The following GALNT17 variants were observed in gnomAD, a reference collection of about 807,000 sequenced individuals.
GALNT17 encodes the protein UDP-GalNAc:polypeptide N-acetylgalactosaminyltransferase-like 3.
Under a neutral mutation model 63.7 loss-of-function variants are expected in GALNT17, and 29 were observed. The ratio of observed to expected loss-of-function variants is 0.46; its 90% CI spans 0.34 to 0.62. The LOEUF (loss-of-function observed/expected upper bound fraction) is 0.62, where lower values mean the gene tolerates loss of function less well. Ranked by LOEUF, GALNT17 falls within the 20% of genes least tolerant of loss-of-function variation. The pLI is 0.01. For synonymous variants in GALNT17, 305 were observed against 318.3 expected (o/e 0.96, Z 0.45); for missense variants, 603 against 799.6 (o/e 0.75, Z 2.97).
intron 9 of GALNT17, among the ~76,000 whole-genome samples, chr7:71,706,294 G>T (rs1791721367): frequency 6.6e-6 from 1 of 152,178 alleles, no homozygotes; most frequent in South Asian, 2.1e-4. Flanking sequence ...CATGGCTTAG[G>T]ACTGCCATGT....
intron 5 of GALNT17, among the ~76,000 whole-genome samples, chr7:71,490,663 G>T (rs79791208): frequency 0.12 from 17,665 of 151,948 alleles, 1,688 homozygotes; most frequent in East Asian, 0.54. Flanking sequence ...ACTTCGGGAG[G>T]CTGAGGCAGG....
rs114845974 is a variant in GALNT17, at chr7:71,711,703, C to G, written c.1669-315C>G. 3.0e-3 allele frequency among the ~76,000 whole-genome samples: 442 copies of G among 148,512 alleles called. 1 individual carries two copies. Among genetic ancestry groups the G allele is most frequent in the African/African-American group, 0.01 (412 of 40,240 alleles). On this transcript the variant is annotated intron_variant, in intron 10 of 10. Coordinates refer to ENST00000333538, the MANE Select transcript of GALNT17 (RefSeq NM_022479.3). ...CTCTCCTCTCTATCTTCTCTCTTCT[C>G]TCTTCTCTCTCTTCCCTCTTTTTCT...
rs996287121 is a variant in GALNT17, at chr7:71,301,496, A to G, written c.239-34054A>G. On this transcript the variant is annotated intron_variant, in intron 1 of 10. Coordinates refer to ENST00000333538, the MANE Select transcript of GALNT17 (RefSeq NM_022479.3). ...ATTACTTTTTTAAAAGTAATTATTG[A>G]TAGAGAGGGATTTACTTTTGCCATT... 2.0e-5 allele frequency among the ~76,000 whole-genome samples: 3 copies of G among 150,580 alleles called. No homozygotes were observed. In the Admixed American group the frequency reaches 2.0e-4, roughly 10 times the overall value.
chr7:71,671,368 A>G (rs1791066974), intron 8 of GALNT17, among the ~76,000 whole-genome samples: 1 of 152,188 alleles, frequency 6.6e-6, no homozygotes, highest in South Asian at 2.1e-4. Flanking sequence ...GCTAAGAAGA[A>G]TCCCTTTGAC....
chr7:71,686,170 G>A (rs1299886580), intron 9 of GALNT17, among the ~76,000 whole-genome samples: 1 of 151,990 alleles, frequency 6.6e-6, no homozygotes, highest in African/African-American at 2.4e-5. Flanking sequence ...AGCCAGGCTG[G>A]TCTTCAACTT....
rs183100022 is a variant in GALNT17, at chr7:71,511,451, G to A, written c.963-59834G>A. The stretch of plus-strand genomic sequence containing the variant: ...TGGGAAGCCTTTTGAAGACTTTCAC[G>A]CAGTGGCACAGCCTGATCTGATTTC... On this transcript the variant is annotated intron_variant, in intron 5 of 10. Coordinates refer to ENST00000333538, the MANE Select transcript of GALNT17 (RefSeq NM_022479.3). Among the ~76,000 whole-genome samples, 300 of 152,236 alleles carry A rather than the reference G, an allele frequency of 2.0e-3. 1 individual carries two copies. The highest frequency in any genetic ancestry group is 6.9e-3 in the African/African-American group (287 of 41,542).
At chr7:71,169,067 C>T (rs899492579) in intron 1 of GALNT17, among the ~76,000 whole-genome samples, 25 of 152,266 alleles carry the variant, frequency 1.6e-4, no homozygotes, top group African/African-American at 5.5e-4. Flanking sequence ...TCTTGTTTTT[C>T]GTTCTGATGA....
At chr7:71,181,434 C>A (rs185927876) in intron 1 of GALNT17, among the ~76,000 whole-genome samples, 1 of 152,042 alleles carries the variant, frequency 6.6e-6, no homozygotes, top group South Asian at 2.1e-4. Context: ...TCATTCTTGA[C>A]CCCAGGGCCT....
At chr7:71,372,709 C>T (rs933736589) in intron 2 of GALNT17, among the ~76,000 whole-genome samples, 2 of 152,224 alleles carry the variant, frequency 1.3e-5, no homozygotes, top group African/African-American at 2.4e-5. Context: ...CTTGCCTCTG[C>T]TTCTCCAAGT....
At chr7:71,291,619 G>T (rs925027760) in intron 1 of GALNT17, among the ~76,000 whole-genome samples, 6 of 152,120 alleles carry the variant, frequency 3.9e-5, no homozygotes, top group African/African-American at 1.2e-4. Context: ...CCCATTATTT[G>T]TTCTAATTGG....
At chr7:71,389,232 C>A (rs1361441025) in intron 3 of GALNT17, among the ~76,000 whole-genome samples, 2 of 151,920 alleles carry the variant, frequency 1.3e-5, no homozygotes, top group Non-Finnish European at 2.9e-5. Context: ...ATCTCAGGTT[C>A]AAGCGATTTT....
chr7:71,640,622 A>G lies in GALNT17; in HGVS notation c.1081-24789A>G, dbSNP rs11971840. Among the ~76,000 whole-genome samples the G allele has an allele frequency of 6.0e-3, 914 of 152,288 alleles. 10 individuals are homozygous for G. Among genetic ancestry groups the G allele is most frequent in the African/African-American group, 0.021 (892 of 41,554 alleles). ...AGTAAACCAAACAGTAGATCTTGTTATTTAAGGTGCTAAAGAAGCACATAG... is the reference window on the plus strand; with the variant it reads ...AGTAAACCAAACAGTAGATCTTGTTGTTTAAGGTGCTAAAGAAGCACATAG... On this transcript the variant is annotated intron_variant, in intron 6 of 10. Transcript: ENST00000333538.
intron 1 of GALNT17, among the ~76,000 whole-genome samples, chr7:71,258,837 A>G (rs1315523235): frequency 1.3e-5 from 2 of 152,208 alleles, no homozygotes; most frequent in Non-Finnish European, 2.9e-5. Flanking sequence ...AGAGGATGAT[A>G]TTTATGCTGA....
intron 5 of GALNT17, among the ~76,000 whole-genome samples, chr7:71,524,470 C>T (rs1009479446): frequency 1.3e-5 from 2 of 152,026 alleles, no homozygotes. Flanking sequence ...AAACTGTCCC[C>T]AGTACATCAA....
chr7:71,624,571 T>G (rs1348617015), intron 6 of GALNT17, among the ~76,000 whole-genome samples: 1 of 152,238 alleles, frequency 6.6e-6, no homozygotes, highest in Non-Finnish European at 1.5e-5. Context: ...GCACCCTTTC[T>G]CAAACTCTGG....
chr7:71,393,521 T>C (rs143880842), intron 3 of GALNT17, among the ~76,000 whole-genome samples: 23 of 152,254 alleles, frequency 1.5e-4, no homozygotes, highest in African/African-American at 4.6e-4. Context: ...TTCTGCTTTT[T>C]CCCCCGAAGT....
At chr7:71,160,779 G>C (rs1788328518) in intron 1 of GALNT17, among the ~76,000 whole-genome samples, 1 of 152,136 alleles carries the variant, frequency 6.6e-6, no homozygotes, top group Admixed American at 6.6e-5. Context: ...TTATATATCA[G>C]ACAAAAATAG....
chr7:71,225,846 A>G (rs1228459745), intron 1 of GALNT17, among the ~76,000 whole-genome samples: 1 of 152,224 alleles, frequency 6.6e-6, no homozygotes, highest in African/African-American at 2.4e-5. Context: ...CAGCCATTAA[A>G]CAATGATGTT....
At chr7:71,486,334 AAATAATAAT>A (rs68046826) in intron 5 of GALNT17, among the ~76,000 whole-genome samples, 42,220 of 133,020 alleles carry the variant, frequency 0.32, 6,994 homozygotes, top group Middle Eastern at 0.45. Flanking sequence ...GCCTGTCTGA[AAATAATAAT>A]AATAATAATA....
Sources: allele counts gnomAD v4.1 joint callset (sites outside exome capture counted in the v4.1 genomes callset), GRCh38; gene constraint gnomAD v4.1.1; transcripts MANE v1.5; gene names NCBI Gene and HGNC (gene_info 2026-07-23, HGNC 2026-07-21).